TLN2: variants seen among roughly 807,000 people sequenced by gnomAD.
TLN2 encodes the protein talin-2.
A neutral mutation model predicts 294.7 loss-of-function variants in TLN2; 118 were observed. The observed-to-expected ratio is 0.40, with a 90% CI of 0.34 to 0.47. The LOEUF is 0.47. Among genes scored for constraint, TLN2 ranks in the 20% least tolerant of loss-of-function variants. The pLI, the probability that TLN2 is intolerant of heterozygous loss-of-function variation, is 0.84. For missense variants in TLN2, 3,083 were observed against 3,282.2 expected (o/e 0.94, Z 1.48); for synonymous variants, 1,431 against 1,304.5 (o/e 1.10, Z -2.09).
chr15:62,576,302 A>G (rs2044393262), intron 1 of TLN2, among the ~76,000 whole-genome samples: 2 of 152,114 alleles, frequency 1.3e-5, no homozygotes, highest in South Asian at 2.1e-4. Context: ...ATAAAGCTGT[A>G]TTCAAATAAT....
chr15:62,777,583 G>A (rs915649243), intron 43 of TLN2, among the ~76,000 whole-genome samples: 2 of 150,442 alleles, frequency 1.3e-5, no homozygotes, highest in Non-Finnish European at 2.9e-5. Context: ...TGGCTATTTT[G>A]GAATCATGTG....
At chr15:62,633,005 A>C (rs2050054796) in intron 3 of TLN2, among the ~76,000 whole-genome samples, 1 of 152,282 alleles carries the variant, frequency 6.6e-6, no homozygotes, top group East Asian at 1.9e-4. Flanking sequence ...TAATTCTGCC[A>C]CTCTAACAAA....
At chr15:62,711,803 T>C (rs2059446541) in intron 21 of TLN2, 108 bp from the exon 22 acceptor site, 2 of 1,280,092 alleles carry the variant, frequency 1.6e-6, no homozygotes, top group Non-Finnish European at 2.1e-6. Context: ...TTCAGTTTTT[T>C]TGCTCCTGCT....
chr15:62,528,690 T>TA (rs373017151), intron 1 of TLN2, among the ~76,000 whole-genome samples: 1 of 138,560 alleles, frequency 7.2e-6, no homozygotes, highest in African/African-American at 2.7e-5. Flanking sequence ...TTTTTTTTTT[T>TA]GGCATGTCTC....
At chr15:62,601,714 A>G (rs1399111930) in intron 2 of TLN2, among the ~76,000 whole-genome samples, 1 of 152,122 alleles carries the variant, frequency 6.6e-6, no homozygotes, top group Non-Finnish European at 1.5e-5. Flanking sequence ...ATAACTTTAT[A>G]CTCTCATCGT....
At chr15:62,606,790 A>T (rs2047485749) in intron 2 of TLN2, among the ~76,000 whole-genome samples, 1 of 152,156 alleles carries the variant, frequency 6.6e-6, no homozygotes, top group Non-Finnish European at 1.5e-5. Flanking sequence ...AGCTGTGTAG[A>T]TTGTAGTGTC....
chr15:62,832,106 A>G (rs1420501776), intron 54 of TLN2: 1 of 26,908 alleles, frequency 3.7e-5, no homozygotes, highest in African/African-American at 1.1e-4. Flanking sequence ...CCAATATACG[A>G]TCTTTTTTTT....
chr15:62,709,304 A>G (rs2059271631), intron 21 of TLN2, among the ~76,000 whole-genome samples: 1 of 152,216 alleles, frequency 6.6e-6, no homozygotes, highest in South Asian at 2.1e-4. Context: ...AGAATAAACA[A>G]TTTAGGATTG....
At chr15:62,650,546 A>C (rs1197713084) in intron 5 of TLN2, among the ~76,000 whole-genome samples, 1 of 152,226 alleles carries the variant, frequency 6.6e-6, no homozygotes, top group Non-Finnish European at 1.5e-5. Context: ...CCCTAATGGT[A>C]GTTAGAGACT....
At chr15:62,704,013 C>A (rs1463861713) in intron 19 of TLN2, among the ~76,000 whole-genome samples, 1 of 152,178 alleles carries the variant, frequency 6.6e-6, no homozygotes. Flanking sequence ...ATAAATATAT[C>A]CTAATTAAAT....
intron 25 of TLN2, among the ~76,000 whole-genome samples, chr15:62,720,272 G>A (rs960648968): frequency 5.3e-5 from 8 of 152,146 alleles, no homozygotes; most frequent in Admixed American, 4.6e-4. Flanking sequence ...TGTTAAGTGC[G>A]TCTTCTCCAA....
intron 28 of TLN2, among the ~76,000 whole-genome samples, chr15:62,731,966 C>T (rs1233839553): frequency 6.6e-6 from 1 of 152,014 alleles, no homozygotes; most frequent in Non-Finnish European, 1.5e-5. Flanking sequence ...AGTTATAGTA[C>T]AGTATATAAA....
At chr15:62,659,863 A>T (rs1346562130) in intron 9 of TLN2, among the ~76,000 whole-genome samples, 6 of 152,184 alleles carry the variant, frequency 3.9e-5, no homozygotes. Context: ...CATGCAGGTA[A>T]AACTTCTTGA....
intron 1 of TLN2, among the ~76,000 whole-genome samples, chr15:62,531,649 C>T (rs945262683): frequency 6.6e-6 from 1 of 152,032 alleles, no homozygotes; most frequent in African/African-American, 2.4e-5. Context: ...CACATATACC[C>T]CATAAATATA....
intron 1 of TLN2, among the ~76,000 whole-genome samples, chr15:62,441,608 A>T (rs558911029): frequency 3.6e-4 from 55 of 152,312 alleles, no homozygotes; most frequent in African/African-American, 1.2e-3. Flanking sequence ...CAGCAACTGG[A>T]TGTCCTCTAA....
chr15:62,404,403 T>C (rs1264672023), intron 1 of TLN2, among the ~76,000 whole-genome samples: 1 of 152,154 alleles, frequency 6.6e-6, no homozygotes, highest in Non-Finnish European at 1.5e-5. Flanking sequence ...GTGACTTGTT[T>C]TGGTGAATCA....
At chr15:62,439,201 GGCAGCCACT>G in intron 1 of TLN2, among the ~76,000 whole-genome samples, 1 of 152,290 alleles carries the variant, frequency 6.6e-6, no homozygotes, top group African/African-American at 2.4e-5. Context: ...CCCTAGGAAA[GGCAGCCACT>G]GCCAATCGAT....
At chr15:62,569,165 C>T (rs929449257) in intron 1 of TLN2, among the ~76,000 whole-genome samples, 2 of 152,196 alleles carry the variant, frequency 1.3e-5, no homozygotes, top group African/African-American at 2.4e-5. Flanking sequence ...GGTCGCTTCT[C>T]ATTGGATTTA....
chr15:62,714,423 C>T (rs775918297), intron 22 of TLN2, among the ~76,000 whole-genome samples: 7 of 151,908 alleles, frequency 4.6e-5, no homozygotes, highest in African/African-American at 1.2e-4. Flanking sequence ...AGGATGGTCT[C>T]GATCTCCTGA....
Sources: allele counts gnomAD v4.1 joint callset (sites outside exome capture counted in the v4.1 genomes callset), GRCh38; gene constraint gnomAD v4.1.1; transcripts MANE v1.5; gene names NCBI Gene and HGNC (gene_info 2026-07-23, HGNC 2026-07-21).